PELI2: variants seen among roughly 807,000 people sequenced by gnomAD.
PELI2 encodes pellino E3 ubiquitin protein ligase family member 2.
In PELI2, 23 loss-of-function variants were observed where a neutral mutation model predicts 42.3. That is an observed-to-expected ratio of 0.54 (90% confidence interval 0.39 to 0.77). The LOEUF is 0.77. Ranked by LOEUF, PELI2 falls within the 30% of genes least tolerant of loss-of-function variation. The pLI is 0.00. For synonymous variants in PELI2, 245 were observed against 212.2 expected, an observed-to-expected ratio of 1.15 and a Z score of -1.34; for missense variants, 463 against 553.2, an observed-to-expected ratio of 0.84 and a Z score of 1.64.
chr14:56,152,772 C>A (rs1194669933), intron 1 of PELI2, among the ~76,000 whole-genome samples: 2 of 152,038 alleles, frequency 1.3e-5, no homozygotes, highest in Non-Finnish European at 2.9e-5. Flanking sequence ...AATGTTAATT[C>A]TTATAGTAGA....
rs959154414 is a variant in PELI2, at chr14:56,298,233, G to A, written c.*1067G>A. The stretch of plus-strand genomic sequence containing the variant: ...CCCAGTAAGTTTTGAAAATGTTTGC[G>A]AATCAAACTAAATTTAAGTGGGATG... On this transcript the variant is annotated 3_prime_UTR_variant, in exon 6 of 6. Coordinates refer to ENST00000267460, the MANE Select transcript of PELI2 (RefSeq NM_021255.3). The A allele has an allele frequency of 2.6e-5, 4 of 152,374 alleles. No individual in the cohort carries two copies. The highest frequency in any genetic ancestry group is 2.1e-4 in the South Asian group (1 of 4,834). 9.4% of individuals were successfully genotyped at this position (152,374 alleles called of 1,614,324 possible).
chr14:56,201,764 A>G (rs924672671), intron 2 of PELI2, among the ~76,000 whole-genome samples: 3 of 152,216 alleles, frequency 2.0e-5, no homozygotes, highest in Non-Finnish European at 1.5e-5. Flanking sequence ...CAAGCTAACT[A>G]TGTACAATAA....
At chr14:56,130,909 T>G (rs1883460088) in intron 1 of PELI2, among the ~76,000 whole-genome samples, 2 of 152,220 alleles carry the variant, frequency 1.3e-5, no homozygotes, top group African/African-American at 4.8e-5. Flanking sequence ...TCTTTCTTCT[T>G]GCTTTTGTTG....
chr14:56,243,167 T>C (rs1385008799), intron 2 of PELI2, among the ~76,000 whole-genome samples: 1 of 151,968 alleles, frequency 6.6e-6, no homozygotes, highest in African/African-American at 2.4e-5. Flanking sequence ...AAAAAGAAAA[T>C]GAAGGGAGTA....
intron 2 of PELI2, among the ~76,000 whole-genome samples, chr14:56,250,766 C>G (rs1377627690): frequency 6.6e-6 from 1 of 152,162 alleles, no homozygotes; most frequent in Non-Finnish European, 1.5e-5. Flanking sequence ...TCCGCTGACT[C>G]AAATGTTAAT....
In PELI2 at chr14:56,197,967, AAGACAC is replaced by A. The variant is rs1886189860; in HGVS notation, c.207+19505_207+19510del. Among the ~76,000 whole-genome samples the A allele has an allele frequency of 1.1e-5, 1 of 94,718 alleles. No individual in the cohort carries two copies. The allele number at this position is 94,718 out of a possible 152,430, so 62.1% of individuals were successfully genotyped here. On this transcript the variant is annotated intron_variant, in intron 2 of 5. Transcript: ENST00000267460. This position sits in a 1 kb window ranked among gnomAD's most constrained non-coding sequence, Gnocchi z 4.9. ...CACACACCAGGGATCATGACTGGTG[AAGACAC>A]ACACACACACACACACACACACACA...
chr14:56,167,307 G>A (rs1041358429), intron 1 of PELI2, among the ~76,000 whole-genome samples: 2 of 151,970 alleles, frequency 1.3e-5, no homozygotes, highest in African/African-American at 2.4e-5. Flanking sequence ...ATAATTCTTA[G>A]ATTTGCCCCT....
At chr14:56,231,204 C>G (rs1887555787) in intron 2 of PELI2, among the ~76,000 whole-genome samples, 1 of 152,134 alleles carries the variant, frequency 6.6e-6, no homozygotes, top group African/African-American at 2.4e-5. Flanking sequence ...ATCAACGAGA[C>G]AGAAAGTTAA....
At chr14:56,291,395 C>A (rs1889824946) in intron 5 of PELI2, among the ~76,000 whole-genome samples, 1 of 152,134 alleles carries the variant, frequency 6.6e-6, no homozygotes, top group African/African-American at 2.4e-5. Flanking sequence ...CTGTTCTCTA[C>A]TGGATGTTTG....
At chr14:56,229,190 G>A (rs976714463) in intron 2 of PELI2, among the ~76,000 whole-genome samples, 1 of 152,254 alleles carries the variant, frequency 6.6e-6, no homozygotes, top group Non-Finnish European at 1.5e-5. Context: ...ACAAAAGGCA[G>A]CAGAAGCTTT....
In PELI2 at chr14:56,279,765, G is replaced by T. The variant is rs765747721; in HGVS notation, c.297G>T (p.Thr99=). The T allele has an allele frequency of 5.2e-6, 8 of 1,553,132 alleles. No individual in the cohort carries two copies. In the South Asian group the frequency reaches 9.1e-5, roughly 18 times the overall value. Residue 99 remains threonine (T), a synonymous_variant, in exon 3 of 6, where the codon ACG becomes ACT. Transcript: ENST00000267460. The part of the protein sequence containing the change: ...VVVEYTHDKD[T]DMFQVGRSTE... ...TGGAGTACACACATGATAAGGATAC[G>T]GATATGTTTCAGGTAATATTTTTCT...
chr14:56,254,125 G>A (rs1303962671), intron 2 of PELI2, among the ~76,000 whole-genome samples: 1 of 152,150 alleles, frequency 6.6e-6, no homozygotes, highest in African/African-American at 2.4e-5. Context: ...TGTTGGCCAG[G>A]CGTGGTGGCT....
intron 1 of PELI2, among the ~76,000 whole-genome samples, chr14:56,121,076 G>T (rs1342536917): frequency 6.6e-6 from 1 of 152,062 alleles, no homozygotes; most frequent in Non-Finnish European, 1.5e-5. Context: ...CATTCACATA[G>T]AATTAATATC....
chr14:56,175,723 G>T (rs994568098), intron 1 of PELI2, among the ~76,000 whole-genome samples: 1 of 152,168 alleles, frequency 6.6e-6, no homozygotes, highest in Non-Finnish European at 1.5e-5. Flanking sequence ...ATGTGTTAAG[G>T]TTGACACTTC....
chr14:56,138,124 C>T (rs1294556332), intron 1 of PELI2, among the ~76,000 whole-genome samples: 1 of 152,238 alleles, frequency 6.6e-6, no homozygotes, highest in Admixed American at 6.5e-5. Context: ...CGGCTTGCCA[C>T]TGATGCCTGC....
At chr14:56,296,467 T>G in intron 5 of PELI2, 133 bp from the exon 6 acceptor site, 1 of 620,238 alleles carries the variant, frequency 1.6e-6, no homozygotes, top group Non-Finnish European at 2.8e-6. Flanking sequence ...ACTCCCCCAG[T>G]TCTGTTTTTG....
intron 2 of PELI2, among the ~76,000 whole-genome samples, chr14:56,260,155 C>T (rs1325966029): frequency 6.6e-6 from 1 of 152,028 alleles, no homozygotes; most frequent in African/African-American, 2.4e-5. Flanking sequence ...CAGCAATCCC[C>T]CTCTAGGTAT....
intron 2 of PELI2, among the ~76,000 whole-genome samples, chr14:56,184,367 T>C (rs1468532581): frequency 1.3e-5 from 2 of 152,010 alleles, no homozygotes; most frequent in African/African-American, 4.8e-5. Flanking sequence ...ACAAACAAAT[T>C]TGAAATGAAA....
At chr14:56,160,179 A>G (rs1205278086) in intron 1 of PELI2, among the ~76,000 whole-genome samples, 1 of 152,124 alleles carries the variant, frequency 6.6e-6, no homozygotes, top group Non-Finnish European at 1.5e-5. Flanking sequence ...GTGTGGTACT[A>G]ATGAGGCTGG....
Sources: allele counts gnomAD v4.1 joint callset (sites outside exome capture counted in the v4.1 genomes callset), GRCh38; gene constraint gnomAD v4.1.1; non-coding constraint Gnocchi (gnomAD v3.1); transcripts MANE v1.5; gene names NCBI Gene and HGNC (gene_info 2026-07-23, HGNC 2026-07-21).